The following ANO3 variants were observed in gnomAD, a reference collection of about 807,000 sequenced individuals.
ANO3 encodes the protein anoctamin 3, also known as anoctamin-3.
A neutral mutation model predicts 144.8 loss-of-function variants in ANO3; 99 were observed. The observed-to-expected ratio is 0.68, with a 90% confidence interval of 0.58 to 0.81. The LOEUF (loss-of-function observed/expected upper bound fraction) is 0.81. ANO3 is among the 30% of genes least tolerant of loss of function. The probability of loss-of-function intolerance (pLI) is 0.00; values close to 1 mark genes in which losing one functional copy is unlikely to be tolerated. For synonymous variants in ANO3, 414 were observed against 392.6 expected (o/e 1.05, Z -0.64); for missense variants, 905 against 1,202.2 (o/e 0.75, Z 3.66).
intron 4 of ANO3, among the ~76,000 whole-genome samples, chr11:26,489,517 C>T (rs1035513994): frequency 2.0e-5 from 3 of 152,206 alleles, no homozygotes; most frequent in Admixed American, 6.5e-5. Context: ...TGCCATCCTC[C>T]AGTTCCTGGA....
chr11:26,660,124 ATAT>A, intron 26 of ANO3, 135 bp from the exon 27 acceptor site: 1 of 681,822 alleles, frequency 1.5e-6, no homozygotes, highest in South Asian at 2.1e-5. Context: ...ATTTTTGAAA[ATAT>A]TAATATTCTA....
At chr11:26,563,361 C>G (rs968369502) in intron 14 of ANO3, 1 of 1,229,208 alleles carries the variant, frequency 8.1e-7, no homozygotes, top group African/African-American at 1.6e-5. Context: ...GAATGTTTAA[C>G]ATTTTAAAAT....
intron 1 of ANO3, among the ~76,000 whole-genome samples, chr11:26,376,414 T>C (rs1856408815): frequency 6.6e-6 from 1 of 152,190 alleles, no homozygotes; most frequent in African/African-American, 2.4e-5. Flanking sequence ...TATATATCTC[T>C]GTTCTTTCCA....
At chr11:26,285,949 G>T (rs2133848730) in intron 1 of ANO3, 1 of 152,254 alleles carries the variant, frequency 6.6e-6, no homozygotes, top group African/African-American at 2.4e-5. Flanking sequence ...ATTTGGGGTT[G>T]CCTTTCCCCG....
In ANO3 at chr11:26,578,012, A is replaced by G. The variant is rs554753237; in HGVS notation, c.1447+18233A>G. On this transcript the variant is annotated intron_variant, in intron 14 of 26. Coordinates refer to ENST00000256737, the MANE Select transcript of ANO3 (RefSeq NM_031418.4). ...TGAATATCATGGAAGGCCTGCTACT[A>G]TTGATCAAAAGTATGTCGTGGGAGC... Among the ~76,000 whole-genome samples the G allele has an allele frequency of 1.1e-3, 165 of 152,312 alleles. No individual in the cohort carries two copies. In the Middle Eastern group the frequency reaches 0.017, roughly 16 times the overall value.
intron 14 of ANO3, among the ~76,000 whole-genome samples, chr11:26,569,765 G>T (rs114437471): frequency 3.4e-4 from 52 of 152,170 alleles, no homozygotes; most frequent in African/African-American, 1.2e-3. Context: ...TTATATACTT[G>T]CTTTATAAAG....
At position 26,292,244 on chromosome 11, in the gene ANO3, T is replaced by C. The variant is rs919151547; in HGVS notation, c.155-17401T>C. Among the ~76,000 whole-genome samples the C allele has an allele frequency of 3.3e-5, 5 of 152,204 alleles. 1 individual carries two copies. ...CATGCATCACATAGTTCTCGTGACA[T>C]GGTTTTCAGCTCCATCAGGTCATTT... On this transcript the variant is annotated intron_variant, in intron 1 of 27. Transcript: ENST00000672621.
At chr11:26,594,396 C>A (rs921389389) in intron 14 of ANO3, among the ~76,000 whole-genome samples, 1 of 152,136 alleles carries the variant, frequency 6.6e-6, no homozygotes, top group Non-Finnish European at 1.5e-5. Context: ...GGAGTTAGTG[C>A]CTGATTTAGC....
chr11:26,482,663 A>G lies in ANO3; in HGVS notation c.432+19515A>G, dbSNP rs976371992. ...GTACAAGAGCAGTTTTGCTACATGGATATATTGCTAGTGGTGAAGCCTGGG... is the reference window on the plus strand; with the variant it reads ...GTACAAGAGCAGTTTTGCTACATGGGTATATTGCTAGTGGTGAAGCCTGGG... On this transcript the variant is annotated intron_variant, in intron 4 of 26. Transcript: ENST00000256737. 2.0e-5 allele frequency among the ~76,000 whole-genome samples: 3 copies of G among 152,112 alleles called. No homozygotes were observed. The South Asian group carries it at 6.2e-4, about 32-fold the overall frequency.
At chr11:26,194,439 G>GGTGTGTGTGTGTGTGTAT (rs1472402266) in intron 1 of ANO3, among the ~76,000 whole-genome samples, 1,728 of 60,570 alleles carry the variant, frequency 0.029, 69 homozygotes, top group African/African-American at 0.055. Flanking sequence ...GGTACATAGT[G>GGTGTGTGTGTGTGTGTAT]GTGTGTGTGT....
intron 1 of ANO3, among the ~76,000 whole-genome samples, chr11:26,300,728 T>C (rs1854208183): frequency 6.6e-6 from 1 of 152,220 alleles, no homozygotes; most frequent in Non-Finnish European, 1.5e-5. Flanking sequence ...AATTATCTTA[T>C]ATATTCAGTA....
chr11:26,229,808 T>C (rs1189427298), intron 1 of ANO3, among the ~76,000 whole-genome samples: 1 of 152,216 alleles, frequency 6.6e-6, no homozygotes, highest in Non-Finnish European at 1.5e-5. Flanking sequence ...ACTATTCAAA[T>C]TGTTATATAA....
intron 3 of ANO3, among the ~76,000 whole-genome samples, chr11:26,456,097 A>G (rs1209688190): frequency 6.6e-6 from 1 of 151,938 alleles, no homozygotes; most frequent in Non-Finnish European, 1.5e-5. Flanking sequence ...AGACCTAAAC[A>G]TTAGACCTAA....
intron 1 of ANO3, among the ~76,000 whole-genome samples, chr11:26,276,345 A>G (rs1177035120): frequency 1.3e-5 from 2 of 152,134 alleles, no homozygotes; most frequent in African/African-American, 4.8e-5. Context: ...TTTAGCAACC[A>G]TCCCCAGGTG....
At chr11:26,231,712 G>A (rs898732) in intron 1 of ANO3, among the ~76,000 whole-genome samples, 48,775 of 152,038 alleles carry the variant, frequency 0.32, 8,570 homozygotes, top group Non-Finnish European at 0.38. Flanking sequence ...TGAATAAAAT[G>A]GGAATAATAG....
intron 17 of ANO3, among the ~76,000 whole-genome samples, chr11:26,619,173 T>C (rs2132991677): frequency 6.6e-6 from 1 of 152,316 alleles, no homozygotes; most frequent in East Asian, 1.9e-4. Flanking sequence ...GTGCTCAAAA[T>C]TATTTTTTGT....
intron 17 of ANO3, among the ~76,000 whole-genome samples, chr11:26,608,010 G>C (rs1024763644): frequency 6.6e-6 from 1 of 152,184 alleles, no homozygotes; most frequent in Admixed American, 6.5e-5. Context: ...AGGAGAAAAG[G>C]TATTCTGGCC....
chr11:26,404,146 C>T (rs941950210), intron 1 of ANO3, among the ~76,000 whole-genome samples: 1 of 151,748 alleles, frequency 6.6e-6, no homozygotes, highest in Non-Finnish European at 1.5e-5. Context: ...CCTCTTGATA[C>T]GATAGGATGA....
chr11:26,289,719 GTATA>G (rs1456977984), intron 1 of ANO3, among the ~76,000 whole-genome samples: 7 of 136,530 alleles, frequency 5.1e-5, no homozygotes, highest in Non-Finnish European at 1.1e-4. Flanking sequence ...TTCTATATGT[GTATA>G]TATATTCTAT....
Sources: gnomAD v4.1 joint callset for allele counts (sites outside exome capture counted in the v4.1 genomes callset) on GRCh38, gnomAD v4.1.1 for gene constraint, MANE v1.5 for transcripts, NCBI Gene and HGNC (gene_info 2026-07-23, HGNC 2026-07-21) for gene names.